PCDHGA9: variants seen among roughly 807,000 people sequenced by gnomAD.
PCDHGA9 encodes the protein protocadherin gamma subfamily A, 9, also known as protocadherin gamma-A9.
Under a neutral mutation model 62.5 loss-of-function variants are expected in PCDHGA9, and 37 were observed. The observed-to-expected ratio is 0.59, with a 90% CI of 0.46 to 0.78. The LOEUF (loss-of-function observed/expected upper bound fraction) is 0.78, where lower values mean the gene tolerates loss of function less well. Among genes scored for constraint, PCDHGA9 ranks in the 30% least tolerant of loss-of-function variants. The probability of loss-of-function intolerance (pLI) is 0.00; values close to 1 mark genes in which losing one functional copy is unlikely to be tolerated. For synonymous variants in PCDHGA9, 459 were observed against 484.6 expected (o/e 0.95, Z 0.69); for missense variants, 1,138 against 1,166.2 (o/e 0.98, Z 0.35).
intron 1 of PCDHGA9, among the ~76,000 whole-genome samples, chr5:141,446,430 T>A (rs1468987045): frequency 6.6e-6 from 1 of 152,058 alleles, no homozygotes; most frequent in Non-Finnish European, 1.5e-5. Flanking sequence ...ATTTGAAGGA[T>A]CTGAGAAACA....
At chr5:141,424,720 G>A (rs530298674) in intron 1 of PCDHGA9, 4 of 152,090 alleles carry the variant, frequency 2.6e-5, no homozygotes, top group Non-Finnish European at 4.4e-5. Flanking sequence ...GTGTAGTTGG[G>A]AGTCATAGAT....
chr5:141,443,443 G>A (rs2098388456), intron 1 of PCDHGA9, among the ~76,000 whole-genome samples: 1 of 152,124 alleles, frequency 6.6e-6, no homozygotes, highest in African/African-American at 2.4e-5. Flanking sequence ...CTGTGGTTGC[G>A]CTCCTGTACT....
chr5:141,423,374 G>T (rs1356564295), intron 1 of PCDHGA9: 2 of 1,614,188 alleles, frequency 1.2e-6, no homozygotes, highest in Admixed American at 1.7e-5. Context: ...CTGGCACTCA[G>T]GCTGTGGCGC....
chr5:141,417,387 G>GA (rs1356605500), intron 1 of PCDHGA9: 1 of 154,090 alleles, frequency 6.5e-6, no homozygotes, highest in Non-Finnish European at 1.4e-5. Context: ...AAATTTTGAA[G>GA]AAAAAATATT....
intron 1 of PCDHGA9, chr5:141,430,853 C>A: frequency 6.3e-7 from 1 of 1,587,214 alleles, no homozygotes; most frequent in Non-Finnish European, 8.6e-7. Flanking sequence ...CACCCAGATA[C>A]GCTATTCAGT....
chr5:141,489,837 G>A lies in PCDHGA9; in HGVS notation c.2425-4970G>A. 6.2e-7 allele frequency: 1 copy of A among 1,614,204 alleles called. No individual in the cohort carries two copies. ...TCCCAGAGCTGGTGCTAGAGCAGCAGCTGGATCGTGAAGCCCAGGCAAGAC... is the reference window on the plus strand; with the variant it reads ...TCCCAGAGCTGGTGCTAGAGCAGCAACTGGATCGTGAAGCCCAGGCAAGAC... On this transcript the variant is annotated intron_variant, in intron 1 of 3. Transcript: ENST00000573521. This position sits in a 1 kb window ranked among gnomAD's most constrained non-coding sequence, Gnocchi z 4.5.
intron 3 of PCDHGA9, among the ~76,000 whole-genome samples, chr5:141,506,444 CAAAAAAAAAA>C (rs1219684339): frequency 8.4e-5 from 8 of 95,030 alleles, no homozygotes; most frequent in Non-Finnish European, 1.3e-4. Context: ...CGCTCTGTCT[CAAAAAAAAAA>C]AAAAAAAAAA....
chr5:141,410,329 G>A, intron 1 of PCDHGA9: 4 of 1,613,982 alleles, frequency 2.5e-6, no homozygotes, highest in Non-Finnish European at 3.4e-6. Flanking sequence ...CCGTGATTCT[G>A]GCCATTGCCT....
intron 1 of PCDHGA9, chr5:141,441,078 G>T (rs1443239760): frequency 2.0e-5 from 3 of 152,140 alleles, no homozygotes; most frequent in Non-Finnish European, 4.4e-5. Context: ...CCATGGTTTT[G>T]GTAGCAAGTG....
intron 1 of PCDHGA9, among the ~76,000 whole-genome samples, chr5:141,438,296 A>G (rs902991313): frequency 6.6e-6 from 1 of 152,034 alleles, no homozygotes; most frequent in Non-Finnish European, 1.5e-5. Context: ...CTGTATGTAA[A>G]AGAAGTTGGT....
chr5:141,424,880 C>G (rs2096845847), intron 1 of PCDHGA9, among the ~76,000 whole-genome samples: 1 of 152,162 alleles, frequency 6.6e-6, no homozygotes, highest in Admixed American at 6.5e-5. Context: ...GGAAAGGAGA[C>G]TTATCTAGGG....
intron 1 of PCDHGA9, chr5:141,421,248 C>G: frequency 1.2e-6 from 2 of 1,604,936 alleles, no homozygotes; most frequent in Middle Eastern, 1.7e-4. Flanking sequence ...GGCTACAGCG[C>G]GGGGACCGCA....
At position 141,487,421 on chromosome 5, in the gene PCDHGA9, C is replaced by A. The variant is rs1365581881; in HGVS notation, c.2425-7386C>A. On this transcript the variant is annotated intron_variant, in intron 1 of 3. Coordinates refer to ENST00000573521, the MANE Select transcript of PCDHGA9 (RefSeq NM_018921.3). This position sits in a 1 kb window ranked among gnomAD's most constrained non-coding sequence, Gnocchi z 5.0. ...GGGGCTTCCCCCTTCCAATGGGATC[C>A]TCCGAATCCAGCTAGGGTCAGATGA... 2 of 1,614,026 alleles carry A rather than the reference C, an allele frequency of 1.2e-6. No individual in the cohort carries two copies. Among genetic ancestry groups the A allele is most frequent in the South Asian group, 1.1e-5 (1 of 91,086 alleles).
chr5:141,508,974 G>A (rs962653911), intron 3 of PCDHGA9, among the ~76,000 whole-genome samples: 2 of 152,128 alleles, frequency 1.3e-5, no homozygotes, highest in Non-Finnish European at 2.9e-5. Flanking sequence ...AAAGGGCTGG[G>A]GGTGGGGGCC....
At chr5:141,428,099 C>G (rs1304120001) in intron 1 of PCDHGA9, 4 of 1,608,710 alleles carry the variant, frequency 2.5e-6, no homozygotes, top group Non-Finnish European at 2.5e-6. Flanking sequence ...TGTCCTACCA[C>G]GTGCTGCAGG....
chr5:141,436,817 TA>T (rs1431750380), intron 1 of PCDHGA9, among the ~76,000 whole-genome samples: 1 of 152,244 alleles, frequency 6.6e-6, no homozygotes, highest in Non-Finnish European at 1.5e-5. Context: ...ACAGCTGGTT[TA>T]AAAATCTTAA....
At chr5:141,478,417 C>G in intron 1 of PCDHGA9, 1 of 1,613,652 alleles carries the variant, frequency 6.2e-7, no homozygotes, top group Non-Finnish European at 8.5e-7. Context: ...CGGACTCCCG[C>G]CGCAGCGACC....
Position 141,404,730 on chromosome 5 carries a change from C to G in PCDHGA9, c.1778C>G (p.Ala593Gly). 1 of 1,613,984 alleles carries G rather than the reference C, an allele frequency of 6.2e-7. No homozygotes were observed. Among genetic ancestry groups the G allele is most frequent in the East Asian group, 2.2e-5 (1 of 44,852 alleles). The change falls in exon 1 of 4, where the codon GCA becomes GGA. Residue 593 changes from alanine (A) to glycine (G), a missense_variant. Physicochemically the swap from Ala to Gly is moderately conservative, Grantham distance 60 (BLOSUM62 0). Coordinates refer to ENST00000573521, the MANE Select transcript of PCDHGA9 (RefSeq NM_018921.3). The stretch of plus-strand genomic sequence containing the variant: ...GGCTACCTGGTGACCAAGGTGGTGG[C>G]AGTGGACAGAGACTCAGGCCAGAAT... ...EPGYLVTKVV[A>G]VDRDSGQNAW...
intron 1 of PCDHGA9, among the ~76,000 whole-genome samples, chr5:141,443,764 C>A (rs1351060316): frequency 6.6e-6 from 1 of 151,708 alleles, no homozygotes; most frequent in Non-Finnish European, 1.5e-5. Flanking sequence ...TTACAATATA[C>A]AATATTACCA....
Sources: allele counts gnomAD v4.1 joint callset (sites outside exome capture counted in the v4.1 genomes callset), GRCh38; gene constraint gnomAD v4.1.1; non-coding constraint Gnocchi (gnomAD v3.1); transcripts MANE v1.5; gene names NCBI Gene and HGNC (gene_info 2026-07-23, HGNC 2026-07-21).